CGN: variants seen among roughly 807,000 people sequenced by gnomAD.
The protein encoded by CGN is cingulin.
Under a neutral mutation model 157.1 loss-of-function variants are expected in CGN, and 121 were observed. The observed-to-expected ratio is 0.77, with a 90% CI of 0.66 to 0.90. The LOEUF (loss-of-function observed/expected upper bound fraction) is 0.90. Among genes scored for constraint, CGN ranks in the 40% least tolerant of loss-of-function variants. The pLI, the probability that CGN is intolerant of heterozygous loss-of-function variation, is 0.00. For missense variants in CGN, 1,424 were observed against 1,520.9 expected (o/e 0.94, Z 1.06); for synonymous variants, 535 against 607.5 (o/e 0.88, Z 1.76).
At position 151,530,011 on chromosome 1, in the gene CGN, C is replaced by T. The variant is rs140407178; in HGVS notation, c.2209C>T (p.Arg737Trp). 2,325 of 1,614,160 alleles carry T rather than the reference C, an allele frequency of 1.4e-3. 6 individuals carry two copies. The highest frequency in any genetic ancestry group is 1.8e-3 in the Non-Finnish European group (2,117 of 1,180,018). ...CCAGGAGGAAAATGACGAATTCCGC[C>T]GGCGCATCCTGGGTTTGGAGCAGCA... ...ETQEENDEFR[R>W]RILGLEQQLK... Residue 737 changes from arginine to tryptophan, a missense_variant, in exon 12 of 21, where the codon CGG becomes TGG. Physicochemically the swap from Arg to Trp is moderately radical, Grantham distance 101. Transcript: ENST00000271636.
chr1:151,517,360 A>AACTTACT (rs1664438470), intron 1 of CGN, among the ~76,000 whole-genome samples: 1 of 152,126 alleles, frequency 6.6e-6, no homozygotes, highest in Non-Finnish European at 1.5e-5. Context: ...TCTTTCCAGA[A>AACTTACT]GTGGGATGAT....
rs1664632391 is a variant in CGN, at chr1:151,524,793, G to A, written c.1521G>A (p.Glu507=). Reference sequence around the variant, plus strand: ...CCCTGAAGGGGGCCCTGAAAGAGGAGGTAGCCTCCCGTGACCAGGAGGTGG... The same window carrying A: ...CCCTGAAGGGGGCCCTGAAAGAGGAAGTAGCCTCCCGTGACCAGGAGGTGG... ...LTALKGALKE[E]VASRDQEVEH... The change falls in exon 8 of 21, where the codon GAG becomes GAA. Residue 507 remains glutamate (E), a synonymous_variant. Coordinates refer to ENST00000271636, the MANE Select transcript of CGN (RefSeq NM_020770.3). This position sits in a 1 kb window ranked among gnomAD's most constrained non-coding sequence, Gnocchi z 4.4. 3 of 1,612,920 alleles carry A rather than the reference G, an allele frequency of 1.9e-6. No homozygotes were observed. The highest frequency in any genetic ancestry group is 2.5e-6 in the Non-Finnish European group (3 of 1,179,944).
chr1:151,524,547 C>T lies in CGN; in HGVS notation c.1402-127C>T. 2 of 1,168,052 alleles carry T rather than the reference C, an allele frequency of 1.7e-6. No homozygotes were observed. The highest frequency in any genetic ancestry group is 1.6e-5 in the African/African-American group (1 of 64,102). The allele number at this position is 1,168,052 out of a possible 1,614,324, so 72.4% of individuals were successfully genotyped here. A position where few individuals can be genotyped will look rare whatever the true frequency, so the allele number is the denominator to read the frequency against. Reference sequence around the variant, plus strand: ...GATAAAGGAAACCTATCATTCTGGGCTCCAGTACTGGTACTAGAGCACCTG... The same window carrying T: ...GATAAAGGAAACCTATCATTCTGGGTTCCAGTACTGGTACTAGAGCACCTG... On this transcript the variant is annotated intron_variant, in intron 7 of 20. Transcript: ENST00000271636. This position sits in a 1 kb window ranked among gnomAD's most constrained non-coding sequence, Gnocchi z 4.4.
chr1:151,516,746 T>C (rs1664422771), intron 1 of CGN, among the ~76,000 whole-genome samples: 1 of 151,696 alleles, frequency 6.6e-6, no homozygotes, highest in African/African-American at 2.4e-5. Flanking sequence ...TTCACCATGT[T>C]GGTCAGGCTG....
At chr1:151,535,474 G>A in intron 16 of CGN, 126 bp from the exon 17 acceptor site, 1 of 769,592 alleles carries the variant, frequency 1.3e-6, no homozygotes, top group South Asian at 1.6e-5. Flanking sequence ...TGATTTTTTA[G>A]TTGCCTGGGA....
In CGN at chr1:151,536,795, G is replaced by A. The variant is rs77669070; in HGVS notation, c.3372G>A (p.Leu1124=). 9.8e-4 allele frequency: 1,578 copies of A among 1,614,156 alleles called. 9 individuals carry two copies. The African/African-American group carries it at 0.018, about 19-fold the overall frequency. ...VDEAEEEIER[L]DGLRKKAQRE... ...AAGCAGAAGAGGAAATTGAGCGACT[G>A]GACGGCCTGAGGAAGAAGGCCCAGC... is the stretch of plus-strand genomic sequence containing the variant. Residue 1124 remains leucine, a synonymous_variant, in exon 20 of 21, where the codon CTG becomes CTA. Transcript: ENST00000271636.
In CGN at chr1:151,537,415, C is replaced by T; in HGVS notation, c.*69C>T. Reference sequence around the variant, plus strand: ...CCAGCAAGTGCTGCTCTGCTCTGCCCACCCTGGGTTCTGCATTCCTATGGG... The same window carrying T: ...CCAGCAAGTGCTGCTCTGCTCTGCCTACCCTGGGTTCTGCATTCCTATGGG... On this transcript the variant is annotated 3_prime_UTR_variant, in exon 21 of 21. Transcript: ENST00000271636. 1.4e-6 allele frequency: 2 copies of T among 1,452,324 alleles called. No individual in the cohort carries two copies. Among genetic ancestry groups the T allele is most frequent in the South Asian group, 1.3e-5 (1 of 79,280 alleles). The allele number at this position is 1,452,324 out of a possible 1,614,324, so 90.0% of individuals were successfully genotyped here.
intron 14 of CGN, 40 bp downstream of exon 14, chr1:151,532,612 C>CA: frequency 7.5e-6 from 4 of 536,786 alleles, no homozygotes; most frequent in South Asian, 4.3e-5. Flanking sequence ...GTCCTTGCCT[C>CA]TTTTTTTTTT....
chr1:151,538,305 C>G lies in CGN; in HGVS notation c.*959C>G, dbSNP rs954587999. On this transcript the variant is annotated 3_prime_UTR_variant, in exon 21 of 21. Transcript: ENST00000271636. ...GTCCCTGTGGCCTTCCTTGGGGCTT[C>G]TCTGACCACATGTGCCCAACTTCAA... The G allele has an allele frequency of 7.9e-5, 12 of 152,238 alleles. No individual in the cohort carries two copies. Among genetic ancestry groups the G allele is most frequent in the Non-Finnish European group, 1.6e-4 (11 of 68,064 alleles). The allele number at this position is 152,238 out of a possible 1,614,324, so 9.4% of individuals were successfully genotyped here. A position where few individuals can be genotyped will look rare whatever the true frequency, so the allele number is the denominator to read the frequency against.
intron 14 of CGN, among the ~76,000 whole-genome samples, 196 bp downstream of exon 14, chr1:151,532,768 T>C (rs1331127699): frequency 6.6e-6 from 1 of 152,046 alleles, no homozygotes; most frequent in Non-Finnish European, 1.5e-5. Context: ...TACAGGTGCC[T>C]GCCACCACGC....
In CGN at chr1:151,519,086, T is replaced by C. The variant is rs372302522; in HGVS notation, c.567T>C (p.Leu189=). 6 of 1,614,054 alleles carry C rather than the reference T, an allele frequency of 3.7e-6. No homozygotes were observed. In the African/African-American group the frequency reaches 6.7e-5, roughly 18 times the overall value. The change falls in exon 2 of 21, where the codon CTT becomes CTC. Residue 189 remains leucine (L), a synonymous_variant. Coordinates refer to ENST00000271636, the MANE Select transcript of CGN (RefSeq NM_020770.3). ...DSLINKFDSQ[L]GGQARGRTGR... is the part of the protein sequence containing the mutation. ...TCATCAACAAGTTTGACAGTCAACT[T>C]GGAGGCCAGGCCCGGGGTCGGACTG...
intron 10 of CGN, among the ~76,000 whole-genome samples, chr1:151,528,222 T>C (rs1344837924): frequency 6.6e-6 from 1 of 151,838 alleles, no homozygotes; most frequent in Non-Finnish European, 1.5e-5. Flanking sequence ...CTCCTGACCT[T>C]GTGATCCGCC....
chr1:151,535,773 C>G lies in CGN; in HGVS notation c.3079-7C>G, dbSNP rs751982899. ...TGCTAACTGTGGAGGCTTCCTGTCC[C>G]TCTCAGAACAAGGACCTGAAGACCC... On this transcript the variant is annotated splice_polypyrimidine_tract_variant and splice_region_variant and intron_variant, in intron 17 of 20. Transcript: ENST00000271636. The G allele has an allele frequency of 4.3e-6, 7 of 1,613,282 alleles. No individual in the cohort carries two copies. The African/African-American group carries it at 8.0e-5, about 18-fold the overall frequency.
intron 1 of CGN, among the ~76,000 whole-genome samples, chr1:151,516,722 A>G (rs1469468926): frequency 6.6e-6 from 1 of 151,256 alleles, no homozygotes; most frequent in East Asian, 2.0e-4. Context: ...TTGTATTTTT[A>G]GTAGAGACAG....
chr1:151,530,934 G>A (rs1304308993), intron 13 of CGN, among the ~76,000 whole-genome samples, 188 bp downstream of exon 13: 1 of 152,096 alleles, frequency 6.6e-6, no homozygotes, highest in Non-Finnish European at 1.5e-5. Flanking sequence ...GAGGTCAGGA[G>A]TTTGAGACCA....
At chr1:151,535,569 C>T (rs1218357940) in intron 16 of CGN, 31 bp from the exon 17 acceptor site, 3 of 1,570,752 alleles carry the variant, frequency 1.9e-6, no homozygotes, top group Admixed American at 3.3e-5. Context: ...TAGCCCTCCC[C>T]AAGTCTGGTC....
chr1:151,522,640 CA>C (rs113342166), intron 5 of CGN, among the ~76,000 whole-genome samples: 4,967 of 138,578 alleles, frequency 0.036, 289 homozygotes, highest in African/African-American at 0.15. Context: ...AACAAACAAA[CA>C]AAAAAAACAA....
chr1:151,536,291 A>C lies in CGN; in HGVS notation c.3252A>C (p.Glu1084Asp), dbSNP rs1664967377. Residue 1084 changes from glutamate (E) to aspartate (D), a missense_variant, in exon 19 of 21, where the codon GAA becomes GAC. By Grantham distance (45) the Glu-to-Asp change is conservative (BLOSUM62 2). Transcript: ENST00000271636. ...TNRKLERKVK[E>D]LSIQIEDERQ... ...GAAAACTGGAGCGGAAAGTTAAAGA[A>C]CTATCCATCCAGATTGAAGACGAGC... The C allele has an allele frequency of 6.2e-7, 1 of 1,613,238 alleles. No homozygotes were observed. Among genetic ancestry groups the C allele is most frequent in the Non-Finnish European group, 8.5e-7 (1 of 1,179,320 alleles).
At chr1:151,532,161 T>G (rs1304239040) in intron 13 of CGN, among the ~76,000 whole-genome samples, 1 of 152,194 alleles carries the variant, frequency 6.6e-6, no homozygotes, top group Non-Finnish European at 1.5e-5. Context: ...ATTTTACAGA[T>G]GGGGGACTGA....
Sources: allele counts gnomAD v4.1 joint callset (sites outside exome capture counted in the v4.1 genomes callset), GRCh38; gene constraint gnomAD v4.1.1; non-coding constraint Gnocchi (gnomAD v3.1); transcripts MANE v1.5; gene names NCBI Gene and HGNC (gene_info 2026-07-23, HGNC 2026-07-21).